Variants in DCC observed in about 807,000 individuals in gnomAD.
DCC encodes the protein DCC netrin 1 receptor, also known as netrin receptor DCC.
DCC carries 58 observed loss-of-function variants against 172.5 expected under a neutral mutation model. The observed-to-expected ratio is 0.34, with a 90% CI of 0.27 to 0.42. DCC has a LOEUF of 0.42. Ranked by LOEUF, DCC falls within the 10% of genes least tolerant of loss-of-function variation. DCC has a pLI of 1.00. For missense variants in DCC, 1,740 were observed against 1,791.0 expected, an observed-to-expected ratio of 0.97 and a Z score of 0.51; for synonymous variants, 709 against 644.5, an observed-to-expected ratio of 1.10 and a Z score of -1.52.
At chr18:52,928,690 C>A (rs770833412) in intron 5 of DCC, among the ~76,000 whole-genome samples, 1 of 152,096 alleles carries the variant, frequency 6.6e-6, no homozygotes, top group Non-Finnish European at 1.5e-5. Context: ...GTACGTAGGT[C>A]GAGCCCATTA....
intron 7 of DCC, among the ~76,000 whole-genome samples, chr18:53,133,814 G>T (rs539092811): frequency 2.6e-5 from 4 of 152,094 alleles, no homozygotes; most frequent in Admixed American, 6.6e-5. Flanking sequence ...AAAGTCAAGG[G>T]TTAGTTAAAG....
intron 15 of DCC, among the ~76,000 whole-genome samples, chr18:53,364,812 G>C (rs1010641271): frequency 2.6e-5 from 4 of 151,958 alleles, no homozygotes; most frequent in Non-Finnish European, 4.4e-5. Flanking sequence ...GCTTGTAAAG[G>C]TGTCCTAACC....
chr18:53,332,642 GA>G (rs2057543088), intron 14 of DCC, among the ~76,000 whole-genome samples: 1 of 152,088 alleles, frequency 6.6e-6, no homozygotes, highest in South Asian at 2.1e-4. Flanking sequence ...TCATGGAGGG[GA>G]AAATATTAAT....
intron 2 of DCC, among the ~76,000 whole-genome samples, chr18:52,820,770 T>C (rs1304136188): frequency 6.6e-6 from 1 of 152,114 alleles, no homozygotes; most frequent in East Asian, 1.9e-4. Context: ...CACACAGAAA[T>C]CAACTTACTA....
At chr18:52,609,307 T>C (rs1029034439) in intron 1 of DCC, among the ~76,000 whole-genome samples, 1 of 152,106 alleles carries the variant, frequency 6.6e-6, no homozygotes, top group African/African-American at 2.4e-5. Flanking sequence ...GGGGGAAATT[T>C]AGTTGTGTTG....
intron 1 of DCC, among the ~76,000 whole-genome samples, chr18:52,661,240 G>T (rs189340303): frequency 6.6e-6 from 1 of 152,272 alleles, no homozygotes; most frequent in Admixed American, 6.5e-5. Context: ...TGGTAGCAGT[G>T]CAGAATAAGA....
At chr18:53,388,476 C>G (rs1428644956) in intron 16 of DCC, among the ~76,000 whole-genome samples, 2 of 152,194 alleles carry the variant, frequency 1.3e-5, no homozygotes, top group Non-Finnish European at 2.9e-5. Flanking sequence ...GAATAAGCAT[C>G]AGGCTATAGA....
intron 1 of DCC, among the ~76,000 whole-genome samples, chr18:52,347,920 TAAC>T (rs1413246406): frequency 6.6e-6 from 1 of 152,132 alleles, no homozygotes; most frequent in Non-Finnish European, 1.5e-5. Flanking sequence ...ATGATCATGA[TAAC>T]AATAATAATA....
chr18:53,429,185 G>A (rs1365639494), intron 21 of DCC, among the ~76,000 whole-genome samples: 4 of 86,234 alleles, frequency 4.6e-5, no homozygotes, highest in African/African-American at 1.4e-4. Context: ...TGTTGGCCTG[G>A]CAAAGTGTAC....
intron 1 of DCC, among the ~76,000 whole-genome samples, chr18:52,517,598 A>G (rs1396052463): frequency 6.6e-6 from 1 of 152,212 alleles, no homozygotes; most frequent in Non-Finnish European, 1.5e-5. Context: ...TTAAGTAAAC[A>G]TTTCCTTAAA....
intron 1 of DCC, among the ~76,000 whole-genome samples, chr18:52,516,809 A>T (rs1201235428): frequency 1.3e-5 from 2 of 152,144 alleles, no homozygotes; most frequent in Non-Finnish European, 2.9e-5. Context: ...GAAGTAAGTT[A>T]CCTTGTTAAG....
chr18:53,447,310 T>A lies in DCC; in HGVS notation c.3230-3190T>A, dbSNP rs569840156. The stretch of plus-strand genomic sequence containing the variant: ...TGTCAGGTAATCTGATTATTCAGCC[T>A]TTGATTTCAGATTGAGTGATTAATG... On this transcript the variant is annotated intron_variant, in intron 22 of 28. Transcript: ENST00000442544. 6.9e-4 allele frequency among the ~76,000 whole-genome samples: 105 copies of A among 152,300 alleles called. No individual in the cohort carries two copies. In the Middle Eastern group the frequency reaches 0.014, roughly 20 times the overall value.
At chr18:52,479,423 T>A (rs1356677918) in intron 1 of DCC, among the ~76,000 whole-genome samples, 1 of 152,192 alleles carries the variant, frequency 6.6e-6, no homozygotes, top group Non-Finnish European at 1.5e-5. Flanking sequence ...TTTTCATCTG[T>A]AGCCTGTAGT....
chr18:52,824,369 A>G (rs189827566), intron 2 of DCC, among the ~76,000 whole-genome samples: 12 of 152,306 alleles, frequency 7.9e-5, no homozygotes, highest in Non-Finnish European at 1.6e-4. Flanking sequence ...TATTTTGGCC[A>G]TTGGTGAGAA....
intron 1 of DCC, among the ~76,000 whole-genome samples, chr18:52,491,953 G>T (rs938001569): frequency 6.6e-6 from 1 of 151,700 alleles, no homozygotes; most frequent in African/African-American, 2.4e-5. Flanking sequence ...TTGGATAATA[G>T]GATATGATGA....
intron 2 of DCC, among the ~76,000 whole-genome samples, chr18:52,858,587 C>CG (rs1432520732): frequency 6.6e-6 from 1 of 152,140 alleles, no homozygotes; most frequent in African/African-American, 2.4e-5. Flanking sequence ...CTGGGTCCCC[C>CG]GTGTATCTGC....
At chr18:52,944,496 T>G (rs372471141) in intron 5 of DCC, among the ~76,000 whole-genome samples, 33 of 152,254 alleles carry the variant, frequency 2.2e-4, no homozygotes, top group African/African-American at 7.7e-4. Context: ...CAGTTTTTCT[T>G]TAAGAGTTTT....
At chr18:53,200,053 G>T (rs768428428) in intron 9 of DCC, among the ~76,000 whole-genome samples, 3 of 152,108 alleles carry the variant, frequency 2.0e-5, no homozygotes, top group Non-Finnish European at 4.4e-5. Context: ...TGATAAAAAC[G>T]CATCCTGTTG....
intron 5 of DCC, among the ~76,000 whole-genome samples, chr18:52,948,129 G>A (rs989813871): frequency 6.6e-6 from 1 of 152,120 alleles, no homozygotes; most frequent in Non-Finnish European, 1.5e-5. Context: ...AAAGAATGTT[G>A]TTACTGATTC....
Sources: gnomAD v4.1 joint callset for allele counts (sites outside exome capture counted in the v4.1 genomes callset) on GRCh38, gnomAD v4.1.1 for gene constraint, MANE v1.5 for transcripts, NCBI Gene and HGNC (gene_info 2026-07-23, HGNC 2026-07-21) for gene names.